TMEM132D: variants seen among roughly 807,000 people sequenced by gnomAD.
TMEM132D encodes mature OL transmembrane protein.
A neutral mutation model predicts 62.3 loss-of-function variants in TMEM132D; 21 were observed. That is an observed-to-expected ratio of 0.34 (90% CI 0.24 to 0.49). TMEM132D has a LOEUF of 0.49. TMEM132D is among the 20% of genes least tolerant of loss of function. The pLI, the probability that TMEM132D is intolerant of heterozygous loss-of-function variation, is 0.99. For missense variants in TMEM132D, 1,346 were observed against 1,402.8 expected, an observed-to-expected ratio of 0.96 and a Z score of 0.65; for synonymous variants, 621 against 575.6, an observed-to-expected ratio of 1.08 and a Z score of -1.13.
intron 5 of TMEM132D, among the ~76,000 whole-genome samples, chr12:129,175,023 T>C (rs1389962574): frequency 6.6e-6 from 1 of 152,200 alleles, no homozygotes; most frequent in Admixed American, 6.5e-5. Context: ...ATTCTGTAGG[T>C]TGCCTGTTCA....
chr12:129,700,250 G>A lies in TMEM132D; in HGVS notation c.528C>T (p.Thr176=), dbSNP rs745411009. The part of the protein sequence containing the change: ...PCLRVFAFRE[T]REVRGSCRLQ... ...GCCGGCAGCTGCCCCGCACCTCTCG[G>A]GTCTCTCGGAAAGCAAAGACCCTCA... Residue 176 remains threonine (T), a synonymous_variant, in exon 2 of 9, where the codon ACC becomes ACT. Coordinates refer to ENST00000422113, the MANE Select transcript of TMEM132D (RefSeq NM_133448.3). The A allele has an allele frequency of 6.2e-7, 1 of 1,613,170 alleles. No individual in the cohort carries two copies. Among genetic ancestry groups the A allele is most frequent in the Non-Finnish European group, 8.5e-7 (1 of 1,179,940 alleles).
At chr12:129,422,580 A>G (rs1041398752) in intron 3 of TMEM132D, among the ~76,000 whole-genome samples, 1 of 152,206 alleles carries the variant, frequency 6.6e-6, no homozygotes, top group Admixed American at 6.5e-5. Flanking sequence ...TGTCTTGCCA[A>G]CAATGTCAGG....
chr12:129,701,315 G>A (rs1565954702), intron 1 of TMEM132D, among the ~76,000 whole-genome samples: 1 of 152,184 alleles, frequency 6.6e-6, no homozygotes, highest in East Asian at 1.9e-4. Context: ...GTGGACACCC[G>A]CCCCCAGTTG....
chr12:129,497,977 T>G lies in TMEM132D; in HGVS notation c.1115+33082A>C, dbSNP rs560764220. Among the ~76,000 whole-genome samples, 9 of 152,260 alleles carry G rather than the reference T, an allele frequency of 5.9e-5. No individual in the cohort carries two copies. The South Asian group carries it at 1.9e-3, about 32-fold the overall frequency. On this transcript the variant is annotated intron_variant, in intron 3 of 8. Transcript: ENST00000422113. ...TGCCCAACCTGATTTTATTTTCCCC[T>G]TATACAGCCACAAAATACTGACACA...
chr12:129,280,832 A>G (rs535257788), intron 4 of TMEM132D, among the ~76,000 whole-genome samples: 212 of 152,206 alleles, frequency 1.4e-3, no homozygotes, highest in Non-Finnish European at 2.3e-3. Flanking sequence ...TATAATATAT[A>G]TACACACAAA....
At position 129,176,436 on chromosome 12, in the gene TMEM132D, G is replaced by A. The variant is rs538328007; in HGVS notation, c.1443+33084C>T. Among the ~76,000 whole-genome samples the A allele has an allele frequency of 3.9e-5, 6 of 152,362 alleles. No homozygotes were observed. The South Asian group carries it at 6.2e-4, about 16-fold the overall frequency. Reference sequence around the variant, plus strand: ...AGCCACCATTGGGTTGCCATAGGCTGTTGTTGGGACCCGTAATTCTAGCTC... The same window carrying A: ...AGCCACCATTGGGTTGCCATAGGCTATTGTTGGGACCCGTAATTCTAGCTC... On this transcript the variant is annotated intron_variant, in intron 5 of 8. Transcript: ENST00000422113.
At chr12:129,625,486 C>A (rs1210437049) in intron 2 of TMEM132D, among the ~76,000 whole-genome samples, 1 of 152,186 alleles carries the variant, frequency 6.6e-6, no homozygotes, top group South Asian at 2.1e-4. Flanking sequence ...AATAAAACCT[C>A]CTGAAGCCCA....
chr12:129,082,496 A>G (rs543802106), intron 6 of TMEM132D, among the ~76,000 whole-genome samples: 2 of 152,232 alleles, frequency 1.3e-5, no homozygotes, highest in South Asian at 4.1e-4. Flanking sequence ...CAAGCTGTAG[A>G]GATTTCCACC....
intron 3 of TMEM132D, among the ~76,000 whole-genome samples, chr12:129,394,798 T>C (rs530713543): frequency 3.9e-5 from 6 of 152,212 alleles, no homozygotes; most frequent in Non-Finnish European, 7.3e-5. Flanking sequence ...GGCAAATCTA[T>C]CACAGAAACT....
chr12:129,426,649 G>A (rs7966184), intron 3 of TMEM132D, among the ~76,000 whole-genome samples: 26,248 of 152,158 alleles, frequency 0.17, 2,686 homozygotes, highest in East Asian at 0.27. Flanking sequence ...CATAAGGTTC[G>A]AAATAATAAT....
chr12:129,550,703 G>A lies in TMEM132D; in HGVS notation c.969-19498C>T, dbSNP rs1255070540. Among the ~76,000 whole-genome samples, 3 of 152,178 alleles carry A rather than the reference G, an allele frequency of 2.0e-5. 1 individual carries two copies. The highest frequency in any genetic ancestry group is 7.2e-5 in the African/African-American group (3 of 41,444). On this transcript the variant is annotated intron_variant, in intron 2 of 8. Transcript: ENST00000422113. ...AGACAGACACTTTGATAAACAAGAA[G>A]GGACAGCTTGTACCTTCTAATTGAT... is the stretch of plus-strand genomic sequence containing the variant.
Position 129,844,045 on chromosome 12 carries a change from G to A in TMEM132D, c.79+59216C>T, listed in dbSNP as rs149981314. On this transcript the variant is annotated intron_variant, in intron 1 of 8. Coordinates refer to ENST00000422113, the MANE Select transcript of TMEM132D (RefSeq NM_133448.3). The stretch of plus-strand genomic sequence containing the variant: ...GAGCCCAGGAGGTCAAGACTGCAGT[G>A]AGCCATGATCATGCCACTGCACTCC... Among the ~76,000 whole-genome samples, 947 of 152,250 alleles carry A rather than the reference G, an allele frequency of 6.2e-3. 18 individuals carry two copies. The highest frequency in any genetic ancestry group is 0.021 in the African/African-American group (890 of 41,548).
rs114535424 is a variant in TMEM132D, at chr12:129,170,694, G to A, written c.1443+38826C>T. On this transcript the variant is annotated intron_variant, in intron 5 of 8. Transcript: ENST00000422113. Reference sequence around the variant, plus strand: ...ACAAAAATAAGCTGAGTGTTGTGGCGCACACCTGTAGTCCCAGCTACTAGG... The same window carrying A: ...ACAAAAATAAGCTGAGTGTTGTGGCACACACCTGTAGTCCCAGCTACTAGG... Among the ~76,000 whole-genome samples the A allele has an allele frequency of 5.8e-3, 883 of 151,848 alleles. 10 individuals are homozygous for A. The highest frequency in any genetic ancestry group is 0.019 in the African/African-American group (791 of 41,388).
chr12:129,346,144 A>G (rs1869680553), intron 3 of TMEM132D, among the ~76,000 whole-genome samples: 1 of 152,002 alleles, frequency 6.6e-6, no homozygotes, highest in Non-Finnish European at 1.5e-5. Context: ...CAGGGATTCG[A>G]CTTCTTCCTG....
At chr12:129,236,764 T>C (rs1879797997) in intron 4 of TMEM132D, among the ~76,000 whole-genome samples, 1 of 152,182 alleles carries the variant, frequency 6.6e-6, no homozygotes, top group Non-Finnish European at 1.5e-5. Flanking sequence ...CAGTACTATG[T>C]TGACTAGTGT....
chr12:129,565,061 G>T (rs1877331930), intron 2 of TMEM132D, among the ~76,000 whole-genome samples: 1 of 152,194 alleles, frequency 6.6e-6, no homozygotes, highest in South Asian at 2.1e-4. Context: ...ATGCTGATGA[G>T]AAGAAAAATG....
chr12:129,551,752 G>T (rs944752940), intron 2 of TMEM132D, among the ~76,000 whole-genome samples: 10 of 152,136 alleles, frequency 6.6e-5, no homozygotes, highest in African/African-American at 2.2e-4. Flanking sequence ...CTGTCTCACT[G>T]AAGGTCATAG....
At chr12:129,759,805 T>C (rs936251173) in intron 1 of TMEM132D, among the ~76,000 whole-genome samples, 1 of 152,134 alleles carries the variant, frequency 6.6e-6, no homozygotes, top group Admixed American at 6.5e-5. Flanking sequence ...CATGAAACTA[T>C]AGGTTTTCTA....
chr12:129,487,660 C>G (rs7979413), intron 3 of TMEM132D, among the ~76,000 whole-genome samples: 1 of 151,934 alleles, frequency 6.6e-6, no homozygotes, highest in Non-Finnish European at 1.5e-5. Context: ...GGGTTCTGCC[C>G]TCAAGAGTGG....
Sources: allele counts gnomAD v4.1 joint callset (sites outside exome capture counted in the v4.1 genomes callset), GRCh38; gene constraint gnomAD v4.1.1; transcripts MANE v1.5; gene names NCBI Gene and HGNC (gene_info 2026-07-23, HGNC 2026-07-21).